The following PSMF1 variants were observed in gnomAD, a reference collection of about 807,000 sequenced individuals.
PSMF1 encodes the protein proteasome inhibitor PI31 subunit.
In PSMF1, 30 loss-of-function variants were observed where a neutral mutation model predicts 29.3. The ratio of observed to expected loss-of-function variants is 1.02; its 90% CI spans 0.77 to 1.39. The LOEUF is 1.39. Among genes scored for constraint, PSMF1 ranks in the 40% most tolerant of loss-of-function variants. PSMF1 has a pLI of 0.00. For missense variants in PSMF1, 344 were observed against 357.5 expected (o/e 0.96, Z 0.31); for synonymous variants, 134 against 139.7 (o/e 0.96, Z 0.29).
intron 4 of PSMF1, among the ~76,000 whole-genome samples, chr20:1,144,988 C>T (rs1040873382): frequency 1.3e-5 from 2 of 152,124 alleles, no homozygotes. Context: ...CGGGTTCAAG[C>T]AACTCTTCTG....
upstream of PSMF1, among the ~76,000 whole-genome samples, chr20:1,113,881 C>T (rs564588009): frequency 6.6e-6 from 1 of 151,986 alleles, no homozygotes; most frequent in South Asian, 2.1e-4. Context: ...TTAGTAGAGA[C>T]GGGGTTTCAC....
chr20:1,162,873 G>C (rs183908383), intron 4 of PSMF1, among the ~76,000 whole-genome samples: 32 of 152,150 alleles, frequency 2.1e-4, no homozygotes, highest in African/African-American at 7.2e-4. Flanking sequence ...TTATCTGGAG[G>C]TTACCAATAT....
intron 4 of PSMF1, among the ~76,000 whole-genome samples, chr20:1,140,848 A>G (rs1033972672): frequency 6.6e-6 from 1 of 152,256 alleles, no homozygotes; most frequent in African/African-American, 2.4e-5. Flanking sequence ...AGCACAAGAA[A>G]AGGTGTGCAA....
chr20:1,159,075 G>T (rs961684592), intron 4 of PSMF1, among the ~76,000 whole-genome samples: 1 of 123,098 alleles, frequency 8.1e-6, no homozygotes, highest in Non-Finnish European at 1.7e-5. Context: ...AAAAAAAGAA[G>T]AAGTAAATGG....
At chr20:1,126,073 C>T in intron 2 of PSMF1, 1 of 395,804 alleles carries the variant, frequency 2.5e-6, no homozygotes, top group South Asian at 1.8e-5. Context: ...ACCATTCCTT[C>T]ATCCTGGACA....
At position 1,125,137 on chromosome 20, in the gene PSMF1, C is replaced by T. The variant is rs6108621; in HGVS notation, c.130-361C>T. On this transcript the variant is annotated intron_variant, in intron 1 of 6. Coordinates refer to ENST00000335877, the MANE Select transcript of PSMF1 (RefSeq NM_006814.5). ...GGTAATCCTATTGAAGTTAGCCTAA[C>T]GTCCAAACTTTGAAAAACACTACTT... Among the ~76,000 whole-genome samples, 1,202 of 152,334 alleles carry T rather than the reference C, an allele frequency of 7.9e-3. 14 individuals are homozygous for T. The highest frequency in any genetic ancestry group is 0.027 in the African/African-American group (1,140 of 41,568).
chr20:1,157,072 G>A (rs534699277), intron 4 of PSMF1, among the ~76,000 whole-genome samples: 11 of 152,332 alleles, frequency 7.2e-5, no homozygotes, highest in African/African-American at 2.4e-4. Context: ...CTTGGAGTCC[G>A]ATGTTCAAGG....
chr20:1,127,392 C>T, intron 2 of PSMF1, 34 bp from the exon 3 acceptor site: 1 of 1,502,084 alleles, frequency 6.7e-7, no homozygotes, highest in Non-Finnish European at 9.3e-7. Context: ...CCAGAAATAT[C>T]CCAGTCTCTC....
chr20:1,130,849 G>T (rs1197974155), intron 3 of PSMF1, among the ~76,000 whole-genome samples: 1 of 152,158 alleles, frequency 6.6e-6, no homozygotes, highest in Non-Finnish European at 1.5e-5. Context: ...TTGCTGTGTT[G>T]CCCTGGATCA....
At chr20:1,162,730 G>C (rs1271520461) in intron 4 of PSMF1, among the ~76,000 whole-genome samples, 2 of 152,136 alleles carry the variant, frequency 1.3e-5, no homozygotes, top group Non-Finnish European at 2.9e-5. Context: ...CCATACATCT[G>C]TCTCCACCTT....
At chr20:1,149,552 C>T (rs1379515296) in intron 4 of PSMF1, among the ~76,000 whole-genome samples, 3 of 152,204 alleles carry the variant, frequency 2.0e-5, no homozygotes, top group Non-Finnish European at 2.9e-5. Flanking sequence ...AAGTAATGGG[C>T]TCACATCCTT....
intron 4 of PSMF1, among the ~76,000 whole-genome samples, chr20:1,139,626 T>C (rs2086355471): frequency 6.6e-6 from 1 of 151,824 alleles, no homozygotes. Context: ...GTGCTTGTAG[T>C]CCCAGCTACT....
chr20:1,157,585 T>G (rs1319177886), intron 4 of PSMF1, among the ~76,000 whole-genome samples: 1 of 116,906 alleles, frequency 8.6e-6, no homozygotes, highest in African/African-American at 3.6e-5. Context: ...GATGCTTTCT[T>G]AATTAAGTGT....
At chr20:1,161,454 G>A in intron 4 of PSMF1, 1 of 470,838 alleles carries the variant, frequency 2.1e-6, no homozygotes, top group Non-Finnish European at 4.0e-6. Flanking sequence ...GGACCTGTAT[G>A]CCAACACGGT....
intron 4 of PSMF1, among the ~76,000 whole-genome samples, chr20:1,146,357 T>C (rs981670090): frequency 6.6e-6 from 1 of 151,644 alleles, no homozygotes; most frequent in Non-Finnish European, 1.5e-5. Flanking sequence ...GGCATCAAGG[T>C]CTAAAAACAT....
chr20:1,149,356 C>A (rs191074225), intron 4 of PSMF1, among the ~76,000 whole-genome samples: 7 of 152,258 alleles, frequency 4.6e-5, no homozygotes, highest in Non-Finnish European at 7.4e-5. Context: ...TTTGAATGGA[C>A]CTTTTACCCG....
intron 3 of PSMF1, among the ~76,000 whole-genome samples, chr20:1,132,747 T>G (rs879672950): frequency 6.6e-6 from 1 of 152,306 alleles, no homozygotes; most frequent in Admixed American, 6.5e-5. Flanking sequence ...TAGGTTTTAT[T>G]TGATTTCCAT....
Position 1,169,648 on chromosome 20 carries a change from G to A in PSMF1, c.*4568G>A, listed in dbSNP as rs758706471. 1.3e-5 allele frequency among the ~76,000 whole-genome samples: 2 copies of A among 152,110 alleles called. No homozygotes were observed. Among genetic ancestry groups the A allele is most frequent in the Admixed American group, 1.3e-4 (2 of 15,280 alleles). Reference sequence around the variant, plus strand: ...TCACATCATCATTGCTACAATCTGGGGATTAGGAACTCCAGAGCCACACAG... The same window carrying A: ...TCACATCATCATTGCTACAATCTGGAGATTAGGAACTCCAGAGCCACACAG... On this transcript the variant is annotated 3_prime_UTR_variant, in exon 7 of 7. Transcript: ENST00000335877.
chr20:1,144,393 A>T (rs6077895), intron 4 of PSMF1, among the ~76,000 whole-genome samples: 147,851 of 152,344 alleles, frequency 0.97, 71,754 homozygotes, highest in Middle Eastern at 1. Flanking sequence ...AAACGTGTAC[A>T]TAATAGTTAG....
Sources: gnomAD v4.1 joint callset for allele counts (sites outside exome capture counted in the v4.1 genomes callset) on GRCh38, gnomAD v4.1.1 for gene constraint, MANE v1.5 for transcripts, NCBI Gene and HGNC (gene_info 2026-07-23, HGNC 2026-07-21) for gene names.